Variants in EPHA3 observed in about 807,000 individuals in gnomAD.
EPHA3 encodes ephrin type-A receptor 3.
EPHA3 carries 42 observed loss-of-function variants against 107.1 expected under a neutral mutation model. The ratio of observed to expected loss-of-function variants is 0.39; its 90% CI spans 0.31 to 0.51. EPHA3 has a LOEUF of 0.51. Among genes scored for constraint, EPHA3 ranks in the 20% least tolerant of loss-of-function variants. EPHA3 has a pLI of 0.78. For missense variants in EPHA3, 1,183 were observed against 1,211.2 expected, an observed-to-expected ratio of 0.98 and a Z score of 0.35; for synonymous variants, 461 against 424.8, an observed-to-expected ratio of 1.09 and a Z score of -1.05.
chr3:89,450,698 G>A (rs60759140), intron 15 of EPHA3, among the ~76,000 whole-genome samples: 1 of 151,878 alleles, frequency 6.6e-6, no homozygotes, highest in Non-Finnish European at 1.5e-5. Flanking sequence ...CTTGAGGTCA[G>A]GAGTTCGAGA....
intron 2 of EPHA3, among the ~76,000 whole-genome samples, chr3:89,197,410 TAA>T (rs11317118): frequency 0.027 from 4,117 of 150,756 alleles, 188 homozygotes; most frequent in African/African-American, 0.096. Flanking sequence ...AATAAAAACA[TAA>T]AAAAAAACAT....
Position 89,255,521 on chromosome 3 carries a change from G to C in EPHA3, c.814+45001G>C, listed in dbSNP as rs530047422. On this transcript the variant is annotated intron_variant, in intron 3 of 16. Coordinates refer to ENST00000336596, the MANE Select transcript of EPHA3 (RefSeq NM_005233.6). ...TTCACATGACAACATCAGTAGTTAT[G>C]ACAGGGGCCATATGGCCTGTAAAGC... Among the ~76,000 whole-genome samples, 18 of 152,338 alleles carry C rather than the reference G, an allele frequency of 1.2e-4. 1 individual carries two copies. In the East Asian group the frequency reaches 3.3e-3, roughly 28 times the overall value.
intron 5 of EPHA3, among the ~76,000 whole-genome samples, chr3:89,358,170 A>C (rs1708007757): frequency 1.3e-5 from 2 of 151,244 alleles, no homozygotes; most frequent in South Asian, 4.2e-4. Flanking sequence ...TTTGAACAGG[A>C]TAGTCTTTTT....
chr3:89,305,958 A>G (rs755283440), intron 3 of EPHA3, among the ~76,000 whole-genome samples: 1 of 152,148 alleles, frequency 6.6e-6, no homozygotes, highest in Non-Finnish European at 1.5e-5. Flanking sequence ...AAAGAAAAGG[A>G]CTACATATTA....
chr3:89,173,731 G>A (rs1177917625), intron 2 of EPHA3, among the ~76,000 whole-genome samples: 1 of 151,892 alleles, frequency 6.6e-6, no homozygotes, highest in East Asian at 1.9e-4. Flanking sequence ...TGGTTAATAT[G>A]AGTCAGGCTG....
intron 5 of EPHA3, among the ~76,000 whole-genome samples, chr3:89,356,431 C>G (rs1262762262): frequency 1.3e-5 from 2 of 151,134 alleles, no homozygotes; most frequent in African/African-American, 2.4e-5. Context: ...AATGTTTGGA[C>G]TAGTTTACAG....
chr3:89,138,079 A>T (rs919137849), intron 2 of EPHA3, among the ~76,000 whole-genome samples: 4 of 151,956 alleles, frequency 2.6e-5, no homozygotes, highest in Non-Finnish European at 5.9e-5. Context: ...ACTTACTAAG[A>T]TATTCAGCTG....
At chr3:89,111,795 G>A (rs1707116682) in intron 1 of EPHA3, among the ~76,000 whole-genome samples, 1 of 151,948 alleles carries the variant, frequency 6.6e-6, no homozygotes. Flanking sequence ...AATTTGAGTG[G>A]TGAAAAGGTT....
intron 15 of EPHA3, among the ~76,000 whole-genome samples, chr3:89,460,654 C>T (rs1242287991): frequency 3.4e-5 from 5 of 147,560 alleles, no homozygotes; most frequent in East Asian, 2.0e-4. Context: ...ATACCATATC[C>T]TTCAAGACAA....
At position 89,479,774 on chromosome 3, in the gene EPHA3, G is replaced by T. The variant is rs1187958005; in HGVS notation, c.*272G>T. 8 of 379,228 alleles carry T rather than the reference G, an allele frequency of 2.1e-5. No homozygotes were observed. Among genetic ancestry groups the T allele is most frequent in the Non-Finnish European group, 3.8e-5 (8 of 207,804 alleles). 23.5% of individuals were successfully genotyped at this position (379,228 alleles called of 1,614,324 possible). On this transcript the variant is annotated 3_prime_UTR_variant, in exon 17 of 17. Coordinates refer to ENST00000336596, the MANE Select transcript of EPHA3 (RefSeq NM_005233.6). The stretch of plus-strand genomic sequence containing the variant: ...TAATTCTTCAGCGTAAAATGGTGAA[G>T]AACTAGCATATAGCCATTGATCATA...
intron 2 of EPHA3, among the ~76,000 whole-genome samples, chr3:89,202,532 AAAATATATAT>A (rs1461239301): frequency 3.9e-5 from 1 of 25,496 alleles, no homozygotes; most frequent in African/African-American, 7.7e-5. Flanking sequence ...AAAAAAAAAA[AAAATATATAT>A]ATATATATAT....
chr3:89,396,374 T>C (rs1284755441), intron 6 of EPHA3, among the ~76,000 whole-genome samples: 2 of 152,158 alleles, frequency 1.3e-5, no homozygotes, highest in African/African-American at 4.8e-5. Context: ...AATAGCAACA[T>C]TGTGCTAGTA....
At chr3:89,397,726 G>A (rs1003718238) in intron 6 of EPHA3, among the ~76,000 whole-genome samples, 2 of 152,086 alleles carry the variant, frequency 1.3e-5, no homozygotes, top group African/African-American at 4.8e-5. Context: ...TGGGATGATA[G>A]GCATGCGCCA....
At chr3:89,398,702 T>C (rs976285154) in intron 6 of EPHA3, among the ~76,000 whole-genome samples, 11 of 152,238 alleles carry the variant, frequency 7.2e-5, no homozygotes, top group Non-Finnish European at 1.6e-4. Flanking sequence ...CTCTCAGCCT[T>C]GACTTTGAAG....
chr3:89,469,681 T>C (rs1429180743), intron 15 of EPHA3, among the ~76,000 whole-genome samples: 1 of 152,178 alleles, frequency 6.6e-6, no homozygotes, highest in African/African-American at 2.4e-5. Flanking sequence ...TTACCACATA[T>C]CCTAGATGGT....
At chr3:89,396,586 G>T (rs1396443755) in intron 6 of EPHA3, among the ~76,000 whole-genome samples, 9 of 152,038 alleles carry the variant, frequency 5.9e-5, no homozygotes, top group Admixed American at 3.3e-4. Context: ...TGGTTATTTT[G>T]CCCTGAGTGG....
At chr3:89,291,192 C>T (rs542430077) in intron 3 of EPHA3, among the ~76,000 whole-genome samples, 32 of 152,262 alleles carry the variant, frequency 2.1e-4, no homozygotes, top group African/African-American at 6.0e-4. Flanking sequence ...CCTCTAATAT[C>T]ATCATATATA....
At position 89,407,918 on chromosome 3, in the gene EPHA3, T is replaced by C. The variant is rs1709085426; in HGVS notation, c.1698-149T>C. On this transcript the variant is annotated intron_variant, in intron 8 of 16. Coordinates refer to ENST00000336596, the MANE Select transcript of EPHA3 (RefSeq NM_005233.6). ...AGAGAGAGGGGCTTTCTTCAGAGGA[T>C]TTTGAAAATATGAAGTTATTAAACT... 3 of 797,088 alleles carry C rather than the reference T, an allele frequency of 3.8e-6. No individual in the cohort carries two copies. In the East Asian group the frequency reaches 8.3e-5, roughly 22 times the overall value. The allele number at this position is 797,088 out of a possible 1,614,324, so 49.4% of individuals were successfully genotyped here. A position where few individuals can be genotyped will look rare whatever the true frequency, so the allele number is the denominator to read the frequency against.
Position 89,472,536 on chromosome 3 carries a change from T to C in EPHA3, c.2763T>C (p.Asn921=). Residue 921 remains asparagine (N), a synonymous_variant, in exon 16 of 17, where the codon AAT becomes AAC. Transcript: ENST00000336596. ...TCCGCACAACAGGTGACTGGCTTAA[T>C]GGTGTCTGGACAGCACACTGCAAGG... is the stretch of plus-strand genomic sequence containing the variant. ...TTFRTTGDWL[N]GVWTAHCKEI... is the part of the protein sequence containing the mutation. 1.2e-6 allele frequency: 2 copies of C among 1,614,146 alleles called. No homozygotes were observed. The highest frequency in any genetic ancestry group is 1.7e-6 in the Non-Finnish European group (2 of 1,180,010).
Sources: allele counts gnomAD v4.1 joint callset (sites outside exome capture counted in the v4.1 genomes callset), GRCh38; gene constraint gnomAD v4.1.1; transcripts MANE v1.5; gene names NCBI Gene and HGNC (gene_info 2026-07-23, HGNC 2026-07-21).